Variants in CHLSN observed in about 807,000 individuals in gnomAD.
CHLSN encodes protein cholesin.
At chr7:1,133,549 G>C in the CHLSN span, among the ~76,000 whole-genome samples, 1 of 151,834 alleles carries the variant, frequency 6.6e-6, no homozygotes, top group Non-Finnish European at 1.5e-5. Context: ...AGGAGATCAA[G>C]ACCACCCTGG....
chr7:1,036,404 G>A, the CHLSN span, among the ~76,000 whole-genome samples: 1 of 150,990 alleles, frequency 6.6e-6, no homozygotes, highest in African/African-American at 2.4e-5. Context: ...CTGTGGCCGT[G>A]CAGGGCTCGG....
the CHLSN span, among the ~76,000 whole-genome samples, chr7:1,117,496 CCGACATCCACGCAGGA>C: frequency 5.0e-5 from 7 of 141,406 alleles, no homozygotes; most frequent in East Asian, 1.2e-3. Context: ...GCTTCCATCA[CCGACATCCACGCAGGA>C]TGATGACATC....
chr7:1,119,865 G>A, the CHLSN span, among the ~76,000 whole-genome samples: 5 of 126,056 alleles, frequency 4.0e-5, no homozygotes, highest in African/African-American at 6.7e-5. Flanking sequence ...CAACAAGAGC[G>A]AAACTCCGTC....
At chr7:1,016,321 ACAG>A in the CHLSN span, among the ~76,000 whole-genome samples, 1 of 56,282 alleles carries the variant, frequency 1.8e-5, no homozygotes, top group Non-Finnish European at 3.0e-5. Flanking sequence ...ACAGCAGCAC[ACAG>A]CAGCACAGCA....
the CHLSN span, among the ~76,000 whole-genome samples, chr7:1,039,552 G>C: frequency 2.1e-5 from 1 of 48,646 alleles, no homozygotes; most frequent in Non-Finnish European, 3.6e-5. Flanking sequence ...AGGTGGGGGG[G>C]TGTCAGCCCC....
chr7:1,089,727 T>A, the CHLSN span, among the ~76,000 whole-genome samples: 13 of 142,298 alleles, frequency 9.1e-5, no homozygotes, highest in South Asian at 8.7e-4. Context: ...TTTTTTTTTT[T>A]AAGTAAGTAT....
the CHLSN span, among the ~76,000 whole-genome samples, chr7:1,012,647 G>A: frequency 6.6e-6 from 1 of 152,222 alleles, no homozygotes; most frequent in Non-Finnish European, 1.5e-5. Context: ...CCACTGCCCT[G>A]GGCTGTGCCT....
chr7:1,087,905 G>C, the CHLSN span, among the ~76,000 whole-genome samples: 1 of 152,244 alleles, frequency 6.6e-6, no homozygotes, highest in Non-Finnish European at 1.5e-5. Flanking sequence ...TTGTATCTGT[G>C]GGTGAAGAAA....
At chr7:1,098,153 G>A in the CHLSN span, among the ~76,000 whole-genome samples, 1 of 152,194 alleles carries the variant, frequency 6.6e-6, no homozygotes, top group Non-Finnish European at 1.5e-5. Context: ...AGTGTGCAGA[G>A]GGAAAAGACG....
chr7:984,351 G>T, the CHLSN span: 1 of 1,466,400 alleles, frequency 6.8e-7, no homozygotes, highest in South Asian at 1.2e-5. Context: ...CCGGCCTGAG[G>T]GGACCTAAGG....
the CHLSN span, among the ~76,000 whole-genome samples, chr7:1,109,007 T>C: frequency 6.6e-6 from 1 of 151,666 alleles, no homozygotes; most frequent in African/African-American, 2.4e-5. Context: ...GCGATTCTCC[T>C]GCCTCAGCCT....
the CHLSN span, among the ~76,000 whole-genome samples, chr7:1,102,747 G>A: frequency 5.9e-5 from 9 of 152,210 alleles, no homozygotes; most frequent in East Asian, 5.8e-4. Context: ...CACGGTGCCC[G>A]CCTCACCCTT....
At chr7:1,135,461 G>C in the CHLSN span, among the ~76,000 whole-genome samples, 8 of 151,824 alleles carry the variant, frequency 5.3e-5, no homozygotes, top group Non-Finnish European at 1.2e-4. Context: ...ATATCTACAT[G>C]TGTGTATATA....
chr7:1,038,636 C>G, the CHLSN span, among the ~76,000 whole-genome samples: 2 of 43,522 alleles, frequency 4.6e-5, no homozygotes, highest in African/African-American at 1.1e-4. Flanking sequence ...CCCGGCCAGC[C>G]GCCCCGTCCG....
At chr7:1,006,255 G>A in the CHLSN span, among the ~76,000 whole-genome samples, 3 of 152,204 alleles carry the variant, frequency 2.0e-5, no homozygotes, top group African/African-American at 7.2e-5. Context: ...GACCAAGCCT[G>A]GGGCCCCTGC....
the CHLSN span, among the ~76,000 whole-genome samples, chr7:1,108,341 A>AG: frequency 1.3e-5 from 1 of 79,220 alleles, no homozygotes; most frequent in Non-Finnish European, 2.5e-5. Context: ...GAGGAAGCAG[A>AG]GGGGGGCTGT....
chr7:1,041,330 G>GGGCTCCGCGCTGCGGGGAAGGGGA, the CHLSN span, among the ~76,000 whole-genome samples: 5 of 65,960 alleles, frequency 7.6e-5, no homozygotes, highest in East Asian at 7.9e-4. Context: ...GGGGAAGGGG[G>GGGCTCCGCGCTGCGGGGAAGGGGA]CCTGGGGTCC....
chr7:1,121,895 C>T, the CHLSN span, among the ~76,000 whole-genome samples: 1 of 151,572 alleles, frequency 6.6e-6, no homozygotes, highest in East Asian at 1.9e-4. Flanking sequence ...GCTGCACCCA[C>T]CCACTGCACT....
chr7:1,095,051 C>CA, the CHLSN span, among the ~76,000 whole-genome samples: 443 of 152,310 alleles, frequency 2.9e-3, 7 homozygotes, highest in Admixed American at 0.023. Flanking sequence ...GTGGCACAGT[C>CA]CTGCAGAACA....
Sources: gnomAD v4.1 joint callset for allele counts (sites outside exome capture counted in the v4.1 genomes callset) on GRCh38, gnomAD v4.1.1 for gene constraint, MANE v1.5 for transcripts, NCBI Gene and HGNC (gene_info 2026-07-23, HGNC 2026-07-21) for gene names.